The following WDHD1 variants were observed in gnomAD, a reference collection of about 807,000 sequenced individuals.
The protein encoded by WDHD1 is WD repeat and HMG-box DNA binding protein 1.
A neutral mutation model predicts 135.4 loss-of-function variants in WDHD1; 111 were observed. The ratio of observed to expected loss-of-function variants is 0.82; its 90% CI spans 0.70 to 0.96. WDHD1 has a LOEUF of 0.96. WDHD1 is among the 40% of genes least tolerant of loss of function. The probability of loss-of-function intolerance (pLI) is 0.00; values close to 1 mark genes in which losing one functional copy is unlikely to be tolerated. For synonymous variants in WDHD1, 434 were observed against 439.0 expected (o/e 0.99, Z 0.14); for missense variants, 1,351 against 1,336.3 (o/e 1.01, Z -0.17).
chr14:54,942,098 A>C (rs1191511384), intron 25 of WDHD1, among the ~76,000 whole-genome samples: 2 of 151,910 alleles, frequency 1.3e-5, no homozygotes, highest in Non-Finnish European at 2.9e-5. Context: ...AAAATACAAA[A>C]AAATTAGCCG....
At chr14:54,986,035 G>T (rs1458968711) in intron 14 of WDHD1, among the ~76,000 whole-genome samples, 2 of 152,178 alleles carry the variant, frequency 1.3e-5, no homozygotes, top group African/African-American at 4.8e-5. Context: ...AACTGGATGT[G>T]TAAGTCTGGA....
intron 2 of WDHD1, among the ~76,000 whole-genome samples, chr14:55,017,500 C>T (rs2042280210): frequency 6.6e-6 from 1 of 152,062 alleles, no homozygotes; most frequent in Non-Finnish European, 1.5e-5. Flanking sequence ...GCACCACCCA[C>T]ACCTGGCTAA....
In WDHD1 at chr14:54,944,337, T is replaced by C. The variant is rs1258040644; in HGVS notation, c.3184A>G (p.Arg1062Gly). 2 of 1,601,668 alleles carry C rather than the reference T, an allele frequency of 1.2e-6. No homozygotes were observed. Among genetic ancestry groups the C allele is most frequent in the Non-Finnish European group, 8.5e-7 (1 of 1,177,410 alleles). ...CTCGGCACAATTATCCTTACCTTTC[T>C]TTCTTCAGTTGACAATACTCTAAAT... is the stretch of plus-strand genomic sequence containing the variant. Reference protein sequence around the residue: ...IRFRVLSTEERKVWANKAKGE... With the variant: ...IRFRVLSTEEGKVWANKAKGE... Residue 1062 changes from arginine (R) to glycine (G), a missense_variant, in exon 25 of 26, where the codon AGA becomes GGA. Physicochemically the swap from Arg to Gly is moderately radical, Grantham distance 125. This residue lies in a region of WDHD1 where 1,330 missense variants were observed against 1,296.1 expected (regional missense o/e 1.03). Coordinates refer to ENST00000360586, the MANE Select transcript of WDHD1 (RefSeq NM_007086.4).
chr14:54,976,226 G>T (rs886092303), intron 16 of WDHD1, among the ~76,000 whole-genome samples: 4 of 151,314 alleles, frequency 2.6e-5, no homozygotes, highest in African/African-American at 9.9e-5. Flanking sequence ...ATATGAAGAT[G>T]AATTTCTTTA....
chr14:54,986,987 CAT>C (rs1451391468), intron 14 of WDHD1, among the ~76,000 whole-genome samples, 157 bp downstream of exon 14: 1 of 152,154 alleles, frequency 6.6e-6, no homozygotes, highest in Non-Finnish European at 1.5e-5. Flanking sequence ...TTTTCATTTT[CAT>C]TGCTGCTAGT....
chr14:55,019,651 T>C (rs1296931605), intron 2 of WDHD1, among the ~76,000 whole-genome samples: 3 of 152,144 alleles, frequency 2.0e-5, no homozygotes, highest in African/African-American at 7.2e-5. Context: ...GGTGGATCAA[T>C]TGAGGTCAGG....
At chr14:55,000,033 C>A (rs113592281) in intron 10 of WDHD1, among the ~76,000 whole-genome samples, 1 of 152,198 alleles carries the variant, frequency 6.6e-6, no homozygotes, top group Non-Finnish European at 1.5e-5. Flanking sequence ...AGTCTGCAAT[C>A]TGTAACCAGA....
At chr14:54,982,078 C>A (rs956653536) in intron 15 of WDHD1, among the ~76,000 whole-genome samples, 1 of 151,862 alleles carries the variant, frequency 6.6e-6, no homozygotes, top group African/African-American at 2.4e-5. Flanking sequence ...GCGATCTCGG[C>A]CCACTGCAAG....
chr14:54,975,799 G>A (rs941964440), intron 16 of WDHD1, among the ~76,000 whole-genome samples: 1 of 151,734 alleles, frequency 6.6e-6, no homozygotes, highest in Non-Finnish European at 1.5e-5. Flanking sequence ...TTAAGTAGCT[G>A]GTATTCAGGT....
At position 54,962,962 on chromosome 14, in the gene WDHD1, G is replaced by C. The variant is rs771496445; in HGVS notation, c.2521C>G (p.Leu841Val). The stretch of plus-strand genomic sequence containing the variant: ...TAAATTATTTCTTACCCAGCATTCA[G>C]CTTTTTTCTGAAATCTTCTTCTTCT... ...EEEEEDFRKKLNAGYSNTATE... is the reference protein window; with the variant it reads ...EEEEEDFRKKVNAGYSNTATE... The change falls in exon 19 of 26, where the codon CTG becomes GTG. Residue 841 changes from leucine to valine, a missense_variant. By Grantham distance (32) the Leu-to-Val change is conservative (BLOSUM62 1). This residue lies in a region of WDHD1 where 1,330 missense variants were observed against 1,296.1 expected (regional missense o/e 1.03). Coordinates refer to ENST00000360586, the MANE Select transcript of WDHD1 (RefSeq NM_007086.4). 1.9e-6 allele frequency: 3 copies of C among 1,613,866 alleles called. No individual in the cohort carries two copies. Among genetic ancestry groups the C allele is most frequent in the Non-Finnish European group, 2.5e-6 (3 of 1,179,990 alleles).
intron 11 of WDHD1, 50 bp from the exon 12 acceptor site, chr14:54,991,450 G>A: frequency 1.3e-6 from 2 of 1,531,548 alleles, no homozygotes; most frequent in Non-Finnish European, 1.8e-6. Flanking sequence ...CCAATGATTT[G>A]GAAAAAGGAA....
intron 16 of WDHD1, among the ~76,000 whole-genome samples, chr14:54,972,269 G>A (rs1268512513): frequency 1.4e-5 from 2 of 144,934 alleles, no homozygotes; most frequent in Non-Finnish European, 3.0e-5. Flanking sequence ...AGTGAGACTC[G>A]GTCTCACCAA....
At chr14:54,947,390 T>C (rs942578981) in intron 24 of WDHD1, among the ~76,000 whole-genome samples, 2 of 152,124 alleles carry the variant, frequency 1.3e-5, no homozygotes, top group African/African-American at 4.8e-5. Flanking sequence ...ATCAATTTTC[T>C]TAAATAAAAT....
intron 14 of WDHD1, among the ~76,000 whole-genome samples, chr14:54,985,280 GGTTA>G (rs2041678459): frequency 2.0e-5 from 3 of 152,300 alleles, no homozygotes; most frequent in Admixed American, 2.0e-4. Flanking sequence ...TTGTTAGACT[GGTTA>G]GTCAGAAGTG....
intron 24 of WDHD1, among the ~76,000 whole-genome samples, chr14:54,947,037 T>C (rs142386283): frequency 1.8e-3 from 255 of 144,928 alleles, no homozygotes; most frequent in Middle Eastern, 9.2e-3. Flanking sequence ...GGCAAGACTG[T>C]CTCAAAAAAA....
At chr14:54,983,327 T>TA (rs1035176387) in intron 15 of WDHD1, among the ~76,000 whole-genome samples, 170 of 148,166 alleles carry the variant, frequency 1.1e-3, no homozygotes, top group Non-Finnish European at 1.6e-3. Flanking sequence ...AGTGCCACAT[T>TA]AAAAAAAAAA....
rs17128116 is a variant in WDHD1, at chr14:54,991,322, A to G, written c.1232T>C (p.Leu411Pro). ...EDGQEGSIHNLPLVTSQRPFY... is the reference protein window; with the variant it reads ...EDGQEGSIHNPPLVTSQRPFY... ...TGGCCTTTGGGATGTTACAAGTGGT[A>G]GATTGTGAATGCTGCCTTCTTGACC... The change falls in exon 12 of 26, where the codon CTA (leucine) becomes CCA (proline). Residue 411 changes from leucine (L) to proline (P), a missense_variant. By Grantham distance (98) the Leu-to-Pro change is moderately conservative (BLOSUM62 -3). This residue lies in a region of WDHD1 where 1,330 missense variants were observed against 1,296.1 expected (regional missense o/e 1.03). Transcript: ENST00000360586. The G allele has an allele frequency of 0.012, 20,106 of 1,614,078 alleles. 691 individuals are homozygous for G. Among genetic ancestry groups the G allele is most frequent in the South Asian group, 0.087 (7,901 of 91,044 alleles).
intron 18 of WDHD1, 138 bp downstream of exon 18, chr14:54,966,336 CA>C: frequency 9.8e-7 from 1 of 1,018,964 alleles, no homozygotes; most frequent in African/African-American, 2.4e-5. Flanking sequence ...CTCCGTCGCA[CA>C]AAAAACAACA....
intron 11 of WDHD1, among the ~76,000 whole-genome samples, chr14:54,994,579 G>A (rs2041846596): frequency 6.6e-6 from 1 of 151,722 alleles, no homozygotes; most frequent in African/African-American, 2.4e-5. Flanking sequence ...TGCACTCCAT[G>A]GTGAAACCCC....
Sources: gnomAD v4.1 joint callset for allele counts (sites outside exome capture counted in the v4.1 genomes callset) on GRCh38, gnomAD v4.1.1 for gene constraint, gnomAD v4.1.1 regional missense constraint, MANE v1.5 for transcripts, NCBI Gene and HGNC (gene_info 2026-07-23, HGNC 2026-07-21) for gene names.